Variants in KCNN2 observed in about 807,000 individuals in gnomAD.
The protein encoded by KCNN2 is potassium calcium-activated channel subfamily N member 2, also known as small conductance calcium-activated potassium channel protein 2.
A neutral mutation model predicts 55.5 loss-of-function variants in KCNN2; 24 were observed. The observed-to-expected ratio is 0.43, with a 90% confidence interval of 0.31 to 0.61. The LOEUF (loss-of-function observed/expected upper bound fraction) is 0.61. Ranked by LOEUF, KCNN2 falls within the 20% of genes least tolerant of loss-of-function variation. The probability of loss-of-function intolerance (pLI) is 0.08; values close to 1 mark genes in which losing one functional copy is unlikely to be tolerated. For synonymous variants in KCNN2, 431 were observed against 336.1 expected, an observed-to-expected ratio of 1.28 and a Z score of -3.09; for missense variants, 754 against 853.6, an observed-to-expected ratio of 0.88 and a Z score of 1.45.
At chr5:114,211,860 A>G (rs541746820) in intron 1 of KCNN2, among the ~76,000 whole-genome samples, 1 of 152,018 alleles carries the variant, frequency 6.6e-6, no homozygotes, top group Admixed American at 6.6e-5. Flanking sequence ...CTACTCCTCC[A>G]TATTAGTAAC....
intron 1 of KCNN2, among the ~76,000 whole-genome samples, chr5:114,092,090 T>C (rs1366189080): frequency 6.6e-6 from 1 of 152,184 alleles, no homozygotes; most frequent in African/African-American, 2.4e-5. Context: ...AAGGCAAGTC[T>C]CTTCTACCTA....
At chr5:114,122,522 A>T (rs966920994) in intron 1 of KCNN2, among the ~76,000 whole-genome samples, 1 of 152,194 alleles carries the variant, frequency 6.6e-6, no homozygotes, top group African/African-American at 2.4e-5. Context: ...TTAAAGATCA[A>T]ACTGCTAGTA....
rs1327218639 is a variant in KCNN2, at chr5:114,241,797, TATATATAC to T, written c.-185+20233_-185+20240del. Among the ~76,000 whole-genome samples the T allele has an allele frequency of 2.4e-3, 94 of 39,888 alleles. 31 individuals carry two copies. The highest frequency in any genetic ancestry group is 2.3e-3 in the Non-Finnish European group (44 of 19,470). The allele number at this position is 39,888 out of a possible 152,430, so 26.2% of individuals were successfully genotyped here. A position where few individuals can be genotyped will look rare whatever the true frequency, so the allele number is the denominator to read the frequency against. On this transcript the variant is annotated intron_variant, in intron 2 of 10. Coordinates refer to the KCNN2 transcript ENST00000512097. ...ATACATATATACGTATATATATGTA[TATATATAC>T]GTATATATATATATGTGTGTATATA...
intron 1 of KCNN2, among the ~76,000 whole-genome samples, chr5:114,221,319 G>T (rs987964319): frequency 6.6e-6 from 1 of 152,176 alleles, no homozygotes; most frequent in African/African-American, 2.4e-5. Context: ...GCTGACTGTA[G>T]ATGTTTTTAT....
intron 3 of KCNN2, among the ~76,000 whole-genome samples, chr5:114,457,052 C>T (rs1760957194): frequency 6.6e-6 from 1 of 152,094 alleles, no homozygotes; most frequent in African/African-American, 2.4e-5. Context: ...GGATTGATTC[C>T]AATTTTGAAA....
chr5:114,424,783 G>A (rs1369750211), intron 3 of KCNN2, among the ~76,000 whole-genome samples: 4 of 152,202 alleles, frequency 2.6e-5, no homozygotes, highest in Admixed American at 1.3e-4. Flanking sequence ...TTGAAGAGGA[G>A]TCTAAGGTTT....
intron 3 of KCNN2, among the ~76,000 whole-genome samples, chr5:114,429,702 T>G (rs928813094): frequency 2.0e-5 from 3 of 151,988 alleles, no homozygotes; most frequent in Admixed American, 6.6e-5. Context: ...GATTTTCTCC[T>G]AATATATTTT....
At chr5:114,352,069 C>A (rs1757215251) in intron 2 of KCNN2, among the ~76,000 whole-genome samples, 1 of 151,746 alleles carries the variant, frequency 6.6e-6, no homozygotes, top group Non-Finnish European at 1.5e-5. Flanking sequence ...GCCATTTCTT[C>A]ATAGAAAGTT....
At chr5:114,489,904 C>G (rs781782100) in intron 6 of KCNN2, among the ~76,000 whole-genome samples, 5 of 152,158 alleles carry the variant, frequency 3.3e-5, no homozygotes, top group African/African-American at 4.8e-5. Flanking sequence ...CCTGGCCTCT[C>G]CTACTCTCTG....
intron 2 of KCNN2, among the ~76,000 whole-genome samples, chr5:114,264,384 A>G (rs1321769329): frequency 6.6e-6 from 1 of 152,216 alleles, no homozygotes; most frequent in Non-Finnish European, 1.5e-5. Flanking sequence ...AAAATCAGGT[A>G]AATTACAGAA....
intron 2 of KCNN2, among the ~76,000 whole-genome samples, chr5:114,273,106 T>C (rs1755399858): frequency 6.6e-6 from 1 of 152,148 alleles, no homozygotes; most frequent in African/African-American, 2.4e-5. Context: ...AACTCCCACT[T>C]ATGAGTGAGA....
chr5:114,240,598 A>G (rs947782536), intron 2 of KCNN2, among the ~76,000 whole-genome samples: 3 of 151,984 alleles, frequency 2.0e-5, no homozygotes, highest in South Asian at 2.1e-4. Flanking sequence ...TGCCCGTCTA[A>G]TTTTTGTATT....
intron 1 of KCNN2, among the ~76,000 whole-genome samples, chr5:114,074,332 G>A (rs908305156): frequency 1.4e-5 from 2 of 145,796 alleles, no homozygotes; most frequent in Admixed American, 6.7e-5. Context: ...GTGTGTGTGC[G>A]CGCGCGCGCC....
chr5:114,444,187 C>T (rs1317113669), intron 3 of KCNN2, among the ~76,000 whole-genome samples: 1 of 152,086 alleles, frequency 6.6e-6, no homozygotes, highest in Non-Finnish European at 1.5e-5. Flanking sequence ...ATGTAACAGG[C>T]ATGGTTCTAA....
intron 2 of KCNN2, among the ~76,000 whole-genome samples, chr5:114,237,331 C>T (rs998674479): frequency 1.3e-5 from 2 of 150,780 alleles, no homozygotes; most frequent in African/African-American, 4.9e-5. Context: ...AAAAAAAATG[C>T]CCTGGTTTTG....
At chr5:114,361,553 G>A (rs1157860360), upstream of KCNN2, among the ~76,000 whole-genome samples, 1 of 152,190 alleles carries the variant, frequency 6.6e-6, no homozygotes, top group Non-Finnish European at 1.5e-5. Flanking sequence ...TGATCTGGGA[G>A]AAGCGGGCGT....
At chr5:114,318,572 A>T (rs1050291801) in intron 2 of KCNN2, among the ~76,000 whole-genome samples, 3 of 151,422 alleles carry the variant, frequency 2.0e-5, no homozygotes, top group African/African-American at 7.3e-5. Flanking sequence ...TAATATCATA[A>T]TGTAATTTTG....
In KCNN2 at chr5:114,197,940, C is replaced by T. The variant is rs1379146269; in HGVS notation, c.-270-23540C>T. On this transcript the variant is annotated intron_variant, in intron 1 of 10. Transcript: ENST00000512097. ...TTACATTTGCTGTATGCATTTAGGA[C>T]AATTTCCAGGGAATATGAATGATTA... is the stretch of plus-strand genomic sequence containing the variant. Among the ~76,000 whole-genome samples, 3 of 152,166 alleles carry T rather than the reference C, an allele frequency of 2.0e-5. No individual in the cohort carries two copies. The East Asian group carries it at 5.8e-4, about 29-fold the overall frequency.
rs1372780969 is a variant in KCNN2 at position 114,478,773 on chromosome 5, A to AGGTTG, written c.1890+5610_1890+5611insGTTGG. 2.0e-5 allele frequency among the ~76,000 whole-genome samples: 3 copies of AGGTTG among 152,308 alleles called. No individual in the cohort carries two copies. In the East Asian group the frequency reaches 5.8e-4, roughly 29 times the overall value. ...AACATTCTTAAAGAATTTCCAACCT[A>AGGTTG]GAATTTCGTTATCTGGCCAAACTAA... On this transcript the variant is annotated intron_variant, in intron 5 of 7. Coordinates refer to ENST00000673685, the MANE Select transcript of KCNN2 (RefSeq NM_021614.4).
Sources: gnomAD v4.1 joint callset for allele counts (sites outside exome capture counted in the v4.1 genomes callset) on GRCh38, gnomAD v4.1.1 for gene constraint, MANE v1.5 for transcripts, NCBI Gene and HGNC (gene_info 2026-07-23, HGNC 2026-07-21) for gene names.